Variants in DENND6B observed in about 807,000 individuals in gnomAD.
The protein encoded by DENND6B is DENN domain containing 6B.
Under a neutral mutation model 85.1 loss-of-function variants are expected in DENND6B, and 73 were observed. That is an observed-to-expected ratio of 0.86 (90% CI 0.71 to 1.04). The LOEUF (loss-of-function observed/expected upper bound fraction) is 1.04. DENND6B is among the 50% of genes least tolerant of loss of function. The pLI, the probability that DENND6B is intolerant of heterozygous loss-of-function variation, is 0.00. For missense variants in DENND6B, 715 were observed against 785.8 expected (o/e 0.91, Z 1.08); for synonymous variants, 357 against 329.3 (o/e 1.08, Z -0.91).
chr22:50,312,002 G>T lies in DENND6B; in HGVS notation c.*137C>A, dbSNP rs964242285. 39 of 1,350,956 alleles carry T rather than the reference G, an allele frequency of 2.9e-5. No individual in the cohort carries two copies. In the Middle Eastern group the frequency reaches 1.1e-3, roughly 37 times the overall value. 83.7% of individuals were successfully genotyped at this position (1,350,956 alleles called of 1,614,324 possible). A position where few individuals can be genotyped will look rare whatever the true frequency, so the allele number is the denominator to read the frequency against. ...TCGCCTTTACTGCTGAGACAATGGTGGTGCAGGAAGGGGAGCCTGCAGTCT... is the reference window on the plus strand; with the variant it reads ...TCGCCTTTACTGCTGAGACAATGGTTGTGCAGGAAGGGGAGCCTGCAGTCT... On this transcript the variant is annotated 3_prime_UTR_variant, in exon 20 of 20. Coordinates refer to ENST00000413817, the MANE Select transcript of DENND6B (RefSeq NM_001001794.4).
rs753041370 is a variant in DENND6B, at chr22:50,313,838, C to T, written c.1179G>A (p.Lys393=). 9 of 1,612,132 alleles carry T rather than the reference C, an allele frequency of 5.6e-6. No homozygotes were observed. In the East Asian group the frequency reaches 2.0e-4, roughly 36 times the overall value. ...TAYTAHLHRD[K]ALLKRLLKGV... is the part of the protein sequence containing the mutation. ...CCTTGAGCAGCCGTTTGAGCAGCGC[C>T]TTGTCGCGGTGGAGGTGGGCCGTGT... Residue 393 remains lysine, a synonymous_variant, in exon 14 of 20, where the codon AAG becomes AAA. Coordinates refer to ENST00000413817, the MANE Select transcript of DENND6B (RefSeq NM_001001794.4).
intron 4 of DENND6B, 139 bp downstream of exon 4, chr22:50,317,769 G>T: frequency 1.2e-6 from 1 of 826,614 alleles, no homozygotes; most frequent in Non-Finnish European, 1.8e-6. Flanking sequence ...GGGACTGCAG[G>T]GCCAGTGGGG....
intron 1 of DENND6B, 91 bp downstream of exon 1, chr22:50,326,721 C>T (rs1185594396): frequency 2.6e-6 from 3 of 1,165,198 alleles, no homozygotes; most frequent in Non-Finnish European, 3.3e-6. Flanking sequence ...AGGGAGAGTG[C>T]GGGGCGGCCG....
At position 50,314,276 on chromosome 22, in the gene DENND6B, C is replaced by T. The variant is rs144775109; in HGVS notation, c.1073-4G>A. ...TTGACTTGCTTAGGCAGGTCTCCTA[C>T]GAGACACGCCCGGTGGCCAGGCCTC... On this transcript the variant is annotated splice_polypyrimidine_tract_variant and splice_region_variant and intron_variant, in intron 12 of 19. Transcript: ENST00000413817. 5.3e-3 allele frequency: 8,572 copies of T among 1,608,912 alleles called. 34 individuals are homozygous for T. Among genetic ancestry groups the T allele is most frequent in the Non-Finnish European group, 6.0e-3 (7,059 of 1,178,722 alleles).
At chr22:50,324,684 A>C (rs1160924848) in intron 1 of DENND6B, among the ~76,000 whole-genome samples, 1 of 152,066 alleles carries the variant, frequency 6.6e-6, no homozygotes, top group East Asian at 1.9e-4. Context: ...TCGGCCTCCC[A>C]AAGTGCTAGG....
intron 1 of DENND6B, among the ~76,000 whole-genome samples, chr22:50,321,687 A>C (rs1005652247): frequency 1.3e-5 from 2 of 152,100 alleles, no homozygotes; most frequent in Admixed American, 1.3e-4. Context: ...AATGTTTTTT[A>C]AGACAAGGTC....
Position 50,309,901 on chromosome 22 carries a change from C to A in DENND6B, c.*2238G>T, listed in dbSNP as rs906459374. On this transcript the variant is annotated 3_prime_UTR_variant, in exon 20 of 20. Transcript: ENST00000413817. ...TGGGGAAGCACATGCTGCCACGGTC[C>A]TTGGGGTGCGCTCCCCAAAGTGGGG... 1 of 152,322 alleles carries A rather than the reference C, an allele frequency of 6.6e-6. No homozygotes were observed. The highest frequency in any genetic ancestry group is 2.4e-5 in the African/African-American group (1 of 41,480). 9.4% of individuals were successfully genotyped at this position (152,322 alleles called of 1,614,324 possible). A position where few individuals can be genotyped will look rare whatever the true frequency, so the allele number is the denominator to read the frequency against.
chr22:50,317,991 G>A lies in DENND6B; in HGVS notation c.289C>T (p.Arg97Cys), dbSNP rs373923302. ...GCLGDTQFSF[R>C]MRQCGGQRSP... Reference sequence around the variant, plus strand: ...CTCTGCCCTCCACACTGGCGCATGCGGAAGCTGAACTGAGTGTCTCCAAGG... The same window carrying A: ...CTCTGCCCTCCACACTGGCGCATGCAGAAGCTGAACTGAGTGTCTCCAAGG... Residue 97 changes from arginine to cysteine, a missense_variant, in exon 4 of 20, where the codon CGC (arginine) becomes TGC (cysteine). Physicochemically the swap from Arg to Cys is radical, Grantham distance 180. Transcript: ENST00000413817. 34 of 1,612,422 alleles carry A rather than the reference G, an allele frequency of 2.1e-5. No individual in the cohort carries two copies. The highest frequency in any genetic ancestry group is 8.3e-5 in the Admixed American group (5 of 59,996).
At chr22:50,316,730 C>A in intron 5 of DENND6B, 1 of 1,420,316 alleles carries the variant, frequency 7.0e-7, no homozygotes. Flanking sequence ...GGGAAACGCA[C>A]GGTGGCCAGA....
In DENND6B at chr22:50,314,617, C is replaced by A. The variant is rs1039167257; in HGVS notation, c.965G>T (p.Arg322Leu). ...HDSEFKEFTT[R>L]TQAPPNVVLG... The stretch of plus-strand genomic sequence containing the variant: ...AGGCGGCACTTACGGGGCCTGCGTG[C>A]GTGTGGTGAACTCCTTGAACTCGCT... The change falls in exon 11 of 20, where the codon CGC becomes CTC. Residue 322 changes from arginine to leucine, a missense_variant. Arg to Leu is a moderately radical substitution (Grantham distance 102). Transcript: ENST00000413817. 2 of 1,563,100 alleles carry A rather than the reference C, an allele frequency of 1.3e-6. No homozygotes were observed. Among genetic ancestry groups the A allele is most frequent in the Admixed American group, 1.9e-5 (1 of 51,962 alleles).
intron 3 of DENND6B, among the ~76,000 whole-genome samples, chr22:50,318,602 T>C (rs941830638): frequency 3.9e-5 from 6 of 152,102 alleles, no homozygotes; most frequent in Non-Finnish European, 7.4e-5. Flanking sequence ...GTGTGGGGTG[T>C]AGGAGACTGA....
rs139137024 is a variant in DENND6B, at chr22:50,314,793, C to T, written c.881+6G>A. The T allele has an allele frequency of 2.4e-5, 39 of 1,601,816 alleles. No individual in the cohort carries two copies. Among genetic ancestry groups the T allele is most frequent in the South Asian group, 1.0e-4 (9 of 89,080 alleles). On this transcript the variant is annotated splice_donor_region_variant and intron_variant, in intron 10 of 19. Coordinates refer to ENST00000413817, the MANE Select transcript of DENND6B (RefSeq NM_001001794.4). ...TTCCCCAGCCGGGACCGGGCCAAGGCGATACCTGGTCAAGGCCAGCACCAT... is the reference window on the plus strand; with the variant it reads ...TTCCCCAGCCGGGACCGGGCCAAGGTGATACCTGGTCAAGGCCAGCACCAT...
chr22:50,316,757 C>T, intron 5 of DENND6B: 1 of 1,365,988 alleles, frequency 7.3e-7, no homozygotes, highest in South Asian at 1.2e-5. Context: ...AGAACGACCT[C>T]CCCAGGGGCT....
chr22:50,318,731 C>A, intron 3 of DENND6B, 116 bp downstream of exon 3: 1 of 1,460,244 alleles, frequency 6.8e-7, no homozygotes, highest in East Asian at 2.5e-5. Context: ...GTGCTGCTCA[C>A]CCCTGTGGCA....
rs765635899 is a variant in DENND6B at position 50,314,277 on chromosome 22, G to A, written c.1073-5C>T. ...TGACTTGCTTAGGCAGGTCTCCTACGAGACACGCCCGGTGGCCAGGCCTCA... is the reference window on the plus strand; with the variant it reads ...TGACTTGCTTAGGCAGGTCTCCTACAAGACACGCCCGGTGGCCAGGCCTCA... On this transcript the variant is annotated splice_polypyrimidine_tract_variant and splice_region_variant and intron_variant, in intron 12 of 19. Coordinates refer to ENST00000413817, the MANE Select transcript of DENND6B (RefSeq NM_001001794.4). 1.1e-5 allele frequency: 18 copies of A among 1,608,940 alleles called. No individual in the cohort carries two copies. Among genetic ancestry groups the A allele is most frequent in the Middle Eastern group, 1.7e-4 (1 of 6,060 alleles).
intron 3 of DENND6B, 124 bp downstream of exon 3, chr22:50,318,723 G>T: frequency 1.4e-6 from 2 of 1,396,334 alleles, no homozygotes; most frequent in African/African-American, 1.4e-5. Context: ...TGGGGCTGGT[G>T]CTGCTCACCC....
In DENND6B at chr22:50,316,016, A is replaced by T. The variant is rs80243206; in HGVS notation, c.702+9T>A. On this transcript the variant is annotated intron_variant, in intron 8 of 19. Transcript: ENST00000413817. ...GCTGTTTCAGCTCCACCTCCGCCTC[A>T]GCTCCCACCTCTTGGTCAAACTGCT... 0.015 allele frequency: 23,729 copies of T among 1,612,558 alleles called. 277 individuals are homozygous for T. The highest frequency in any genetic ancestry group is 0.055 in the East Asian group (2,472 of 44,892).
chr22:50,319,481 C>A, intron 1 of DENND6B: 5 of 985,198 alleles, frequency 5.1e-6, no homozygotes, highest in Non-Finnish European at 6.0e-6. Context: ...CCTACCCACC[C>A]GGACATCTGT....
chr22:50,322,853 T>TTA (rs1555941377), intron 1 of DENND6B, among the ~76,000 whole-genome samples: 1 of 57,314 alleles, frequency 1.7e-5, no homozygotes, highest in African/African-American at 6.5e-5. Context: ...CCCAGCCTTA[T>TTA]TTTTTTTTTT....
Sources: allele counts gnomAD v4.1 joint callset (sites outside exome capture counted in the v4.1 genomes callset), GRCh38; gene constraint gnomAD v4.1.1; transcripts MANE v1.5; gene names NCBI Gene and HGNC (gene_info 2026-07-23, HGNC 2026-07-21).